Variants in DACH2 observed in about 807,000 individuals in gnomAD.
DACH2 encodes the protein dachshund family transcription factor 2.
DACH2 carries 17 observed loss-of-function variants against 35.8 expected under a neutral mutation model. The observed-to-expected ratio is 0.48, with a 90% CI of 0.33 to 0.71. The LOEUF (loss-of-function observed/expected upper bound fraction) is 0.71, where lower values mean the gene tolerates loss of function less well. DACH2 is among the 30% of genes least tolerant of loss of function. The pLI, the probability that DACH2 is intolerant of heterozygous loss-of-function variation, is 0.02. For missense variants in DACH2, 469 were observed against 472.7 expected (o/e 0.99, Z 0.07); for synonymous variants, 195 against 177.3 (o/e 1.10, Z -0.79).
At chrX:86,436,143 A>T (rs1301685069) in intron 2 of DACH2, among the ~76,000 whole-genome samples, 1 of 111,053 alleles carries the variant, frequency 9.0e-6, no homozygotes, top group Non-Finnish European at 1.9e-5. Context: ...CTTTAATTAT[A>T]GACCTCCCCA....
At chrX:86,297,071 A>ATATATATATATAT (rs2034480445) in intron 1 of DACH2, among the ~76,000 whole-genome samples, 8 of 104,075 alleles carry the variant, frequency 7.7e-5, no homozygotes, top group African/African-American at 2.5e-4. Flanking sequence ...ATATATATAT[A>ATATATATATATAT]ATTAGAGCAC....
At chrX:86,387,718 T>C (rs2036141604) in intron 2 of DACH2, among the ~76,000 whole-genome samples, 1 of 112,403 alleles carries the variant, frequency 8.9e-6, no homozygotes, top group African/African-American at 3.2e-5. Flanking sequence ...GTCTCTTTAG[T>C]ATCTAGCATA....
chrX:86,449,541 C>A (rs765869841), intron 2 of DACH2, among the ~76,000 whole-genome samples: 10 of 111,389 alleles, frequency 9.0e-5, no homozygotes, highest in Admixed American at 5.7e-4. Context: ...AAATTGTTTT[C>A]TAGTTTTCTT....
At chrX:86,802,480 C>T (rs2042302901) in intron 7 of DACH2, among the ~76,000 whole-genome samples, 1 of 103,182 alleles carries the variant, frequency 9.7e-6, no homozygotes, top group African/African-American at 3.6e-5. Flanking sequence ...CAGTAAATTT[C>T]CCTTCCTGAT....
chrX:86,348,914 C>A (rs1569359339), intron 1 of DACH2, among the ~76,000 whole-genome samples: 1 of 112,233 alleles, frequency 8.9e-6, no homozygotes, highest in Non-Finnish European at 1.9e-5. Flanking sequence ...GGAGCATGGG[C>A]TCCGACCCCT....
At chrX:86,337,193 C>A (rs951081772) in intron 1 of DACH2, among the ~76,000 whole-genome samples, 61 of 111,394 alleles carry the variant, frequency 5.5e-4, no homozygotes, top group African/African-American at 2.0e-3. Flanking sequence ...CCTATCAAGA[C>A]AGGCCAACAT....
chrX:86,255,902 T>C (rs1295807315), intron 1 of DACH2, among the ~76,000 whole-genome samples: 1 of 111,219 alleles, frequency 9.0e-6, no homozygotes, highest in Non-Finnish European at 1.9e-5. Context: ...ACAAAATATA[T>C]AAATTATAAC....
intron 2 of DACH2, among the ~76,000 whole-genome samples, chrX:86,397,913 T>A (rs925623800): frequency 1.8e-5 from 2 of 111,848 alleles, no homozygotes; most frequent in Non-Finnish European, 3.8e-5. Context: ...ATAAAATGAG[T>A]TAGGGAGGAT....
At chrX:86,579,009 C>T (rs188759097) in intron 3 of DACH2, among the ~76,000 whole-genome samples, 71 of 111,089 alleles carry the variant, frequency 6.4e-4, no homozygotes, top group African/African-American at 2.2e-3. Flanking sequence ...GCTAATGATG[C>T]TGATTATTTT....
intron 5 of DACH2, among the ~76,000 whole-genome samples, chrX:86,695,415 G>A (rs1240957140): frequency 1.8e-5 from 2 of 109,753 alleles, no homozygotes; most frequent in Non-Finnish European, 3.8e-5. Context: ...GAAAGTAGAG[G>A]TACATAAGTA....
intron 2 of DACH2, among the ~76,000 whole-genome samples, chrX:86,460,748 C>T (rs2037557790): frequency 9.0e-6 from 1 of 110,519 alleles, no homozygotes. Context: ...GTAGGTAGTA[C>T]ATTAAGCAAG....
At chrX:86,720,875 C>A (rs1324776629) in intron 6 of DACH2, among the ~76,000 whole-genome samples, 1 of 112,729 alleles carries the variant, frequency 8.9e-6, no homozygotes, top group African/African-American at 3.2e-5. Context: ...TCCATACATC[C>A]TCTGAAATGT....
chrX:86,459,291 T>C (rs1336831000), intron 2 of DACH2, among the ~76,000 whole-genome samples: 2 of 111,751 alleles, frequency 1.8e-5, no homozygotes, highest in Non-Finnish European at 3.8e-5. Flanking sequence ...GCATGAACAG[T>C]TGAAGACCAT....
At chrX:86,357,080 C>T (rs1042447213) in intron 1 of DACH2, among the ~76,000 whole-genome samples, 1 of 111,251 alleles carries the variant, frequency 9.0e-6, no homozygotes. Flanking sequence ...TCCTGAGTTA[C>T]TTCACTTACA....
chrX:86,780,617 A>G (rs1229086702), intron 7 of DACH2, among the ~76,000 whole-genome samples: 7 of 111,455 alleles, frequency 6.3e-5, no homozygotes, highest in Non-Finnish European at 9.4e-5. Flanking sequence ...ATCCAACACT[A>G]TATTCCTTCC....
At chrX:86,556,599 G>A (rs2039122254) in intron 3 of DACH2, among the ~76,000 whole-genome samples, 2 of 107,074 alleles carry the variant, frequency 1.9e-5, no homozygotes, top group Non-Finnish European at 3.8e-5. Flanking sequence ...TGCACCTTTA[G>A]CCAGATTTTG....
At chrX:86,663,310 A>G (rs1372634319) in intron 4 of DACH2, among the ~76,000 whole-genome samples, 1 of 112,255 alleles carries the variant, frequency 8.9e-6, no homozygotes, top group Non-Finnish European at 1.9e-5. Context: ...ATGAAGTAAC[A>G]TAAGACACTT....
chrX:86,451,400 C>T (rs1038093349), intron 2 of DACH2, among the ~76,000 whole-genome samples: 1 of 111,112 alleles, frequency 9.0e-6, no homozygotes, highest in Non-Finnish European at 1.9e-5. Context: ...GTTCTCTATT[C>T]TGTTCCATTG....
intron 1 of DACH2, among the ~76,000 whole-genome samples, chrX:86,333,016 G>A (rs1332025566): frequency 9.0e-6 from 1 of 110,821 alleles, no homozygotes; most frequent in African/African-American, 3.3e-5. Context: ...TTTATAAATG[G>A]ATAATATATT....
Sources: allele counts gnomAD v4.1 joint callset (sites outside exome capture counted in the v4.1 genomes callset), GRCh38; gene constraint gnomAD v4.1.1; transcripts MANE v1.5; gene names NCBI Gene and HGNC (gene_info 2026-07-23, HGNC 2026-07-21).